The following DDHD1 variants were observed in gnomAD, a reference collection of about 807,000 sequenced individuals.
DDHD1 encodes the protein phospholipase DDHD1.
Under a neutral mutation model 96.4 loss-of-function variants are expected in DDHD1, and 49 were observed. That is an observed-to-expected ratio of 0.51 (90% confidence interval 0.40 to 0.64). The LOEUF (loss-of-function observed/expected upper bound fraction) is 0.64, where lower values mean the gene tolerates loss of function less well. Among genes scored for constraint, DDHD1 ranks in the 30% least tolerant of loss-of-function variants. DDHD1 has a pLI of 0.00. For synonymous variants in DDHD1, 442 were observed against 446.5 expected, an observed-to-expected ratio of 0.99 and a Z score of 0.13; for missense variants, 1,106 against 1,161.2, an observed-to-expected ratio of 0.95 and a Z score of 0.69.
At chr14:53,061,232 A>G in intron 7 of DDHD1, 31 bp from the exon 8 acceptor site, 2 of 1,551,362 alleles carry the variant, frequency 1.3e-6, no homozygotes, top group Non-Finnish European at 1.7e-6. Context: ...ATATACACAC[A>G]CGTATTTATA....
chr14:53,064,237 G>C (rs1411668556), intron 6 of DDHD1, among the ~76,000 whole-genome samples: 1 of 152,002 alleles, frequency 6.6e-6, no homozygotes, highest in Admixed American at 6.6e-5. Flanking sequence ...TCTACATGAG[G>C]TAGGTACAGA....
At position 53,039,036 on chromosome 14, in the gene DDHD1, G is replaced by A. The variant is rs954396893; in HGVS notation, c.*7732C>T. ...AAGACAACTTCATTAGGAATGTGGA[G>A]GTAATTTTTTGTCAAATGATTATTA... On this transcript the variant is annotated 3_prime_UTR_variant, in exon 13 of 13. Coordinates refer to ENST00000673822, the MANE Select transcript of DDHD1 (RefSeq NM_001160148.2). 3 of 152,140 alleles carry A rather than the reference G, an allele frequency of 2.0e-5. No homozygotes were observed. Among genetic ancestry groups the A allele is most frequent in the African/African-American group, 7.2e-5 (3 of 41,434 alleles). The allele number at this position is 152,140 out of a possible 1,614,324, so 9.4% of individuals were successfully genotyped here.
rs1881550553 is a variant in DDHD1 at position 53,040,146 on chromosome 14, T to C, written c.*6622A>G. On this transcript the variant is annotated 3_prime_UTR_variant, in exon 13 of 13. Coordinates refer to ENST00000673822, the MANE Select transcript of DDHD1 (RefSeq NM_001160148.2). The stretch of plus-strand genomic sequence containing the variant: ...AAGGTAGTAGGAGTAGGTTTCTATC[T>C]GGCACGGGTTCTTGGAGTTAGCCTG... The C allele has an allele frequency of 6.6e-6, 1 of 152,228 alleles. No homozygotes were observed. The highest frequency in any genetic ancestry group is 6.5e-5 in the Admixed American group (1 of 15,280). 9.4% of individuals were successfully genotyped at this position (152,228 alleles called of 1,614,324 possible). A position where few individuals can be genotyped will look rare whatever the true frequency, so the allele number is the denominator to read the frequency against.
At position 53,040,067 on chromosome 14, in the gene DDHD1, C is replaced by T. The variant is rs1050124277; in HGVS notation, c.*6701G>A. The T allele has an allele frequency of 9.9e-5, 15 of 152,094 alleles. No individual in the cohort carries two copies. Among genetic ancestry groups the T allele is most frequent in the Admixed American group, 2.6e-4 (4 of 15,262 alleles). 9.4% of individuals were successfully genotyped at this position (152,094 alleles called of 1,614,324 possible). A position where few individuals can be genotyped will look rare whatever the true frequency, so the allele number is the denominator to read the frequency against. On this transcript the variant is annotated 3_prime_UTR_variant, in exon 13 of 13. Coordinates refer to ENST00000673822, the MANE Select transcript of DDHD1 (RefSeq NM_001160148.2). The stretch of plus-strand genomic sequence containing the variant: ...GTTAAAAAAACAAACACCTAAAACT[C>T]GACTTTTAAAGTCACTTTGGTAGCA...
At chr14:53,103,061 A>G (rs1459190882) in intron 2 of DDHD1, 1 of 1,565,086 alleles carries the variant, frequency 6.4e-7, no homozygotes, top group Non-Finnish European at 8.7e-7. Flanking sequence ...CCTGCAGTAA[A>G]TGGAACAATA....
chr14:53,120,031 A>C (rs190374990), intron 1 of DDHD1, among the ~76,000 whole-genome samples: 1 of 152,210 alleles, frequency 6.6e-6, no homozygotes. Flanking sequence ...AAATGACATG[A>C]TTGTATATTT....
intron 1 of DDHD1, among the ~76,000 whole-genome samples, chr14:53,110,612 T>TC (rs1302084130): frequency 2.0e-5 from 3 of 152,230 alleles, no homozygotes; most frequent in African/African-American, 7.2e-5. Flanking sequence ...TATTTAGTCT[T>TC]CCTCCTTTCT....
At chr14:53,113,174 C>T (rs1435745726) in intron 1 of DDHD1, among the ~76,000 whole-genome samples, 1 of 151,416 alleles carries the variant, frequency 6.6e-6, no homozygotes, top group Non-Finnish European at 1.5e-5. Context: ...GCTATGATAG[C>T]CAGGCTGGTC....
intron 1 of DDHD1, among the ~76,000 whole-genome samples, chr14:53,123,198 G>C (rs1339534531): frequency 6.6e-6 from 1 of 150,866 alleles, no homozygotes; most frequent in African/African-American, 2.4e-5. Context: ...CCAGGCTGGA[G>C]TGCAGTGGTG....
intron 2 of DDHD1, 77 bp from the exon 3 acceptor site, chr14:53,093,521 T>C (rs1171932363): frequency 1.3e-6 from 2 of 1,545,420 alleles, no homozygotes; most frequent in African/African-American, 2.8e-5. Flanking sequence ...AACACTCAGA[T>C]TTTAAAATCA....
chr14:53,048,081 T>C (rs1246065923), intron 12 of DDHD1, among the ~76,000 whole-genome samples: 2 of 152,202 alleles, frequency 1.3e-5, no homozygotes, highest in Non-Finnish European at 2.9e-5. Context: ...CATAATACTC[T>C]AGGGAAATAT....
chr14:53,083,073 A>G (rs1566548674), intron 4 of DDHD1, among the ~76,000 whole-genome samples: 2 of 152,120 alleles, frequency 1.3e-5, no homozygotes, highest in Non-Finnish European at 2.9e-5. Flanking sequence ...CCATATTTTA[A>G]TATTTTGTTT....
At chr14:53,065,725 T>C (rs1220482903) in intron 6 of DDHD1, among the ~76,000 whole-genome samples, 1 of 152,172 alleles carries the variant, frequency 6.6e-6, no homozygotes, top group Non-Finnish European at 1.5e-5. Context: ...GCTGTGAAGG[T>C]AGGAGTCCCT....
At position 53,046,932 on chromosome 14, in the gene DDHD1, T is replaced by C. The variant is rs1471768743; in HGVS notation, c.2539A>G (p.Ile847Val). The change falls in exon 13 of 13, where the codon ATT becomes GTT. Residue 847 changes from isoleucine to valine, a missense_variant. Coordinates refer to ENST00000673822, the MANE Select transcript of DDHD1 (RefSeq NM_001160148.2). The stretch of plus-strand genomic sequence containing the variant: ...AGGCCTTCTCTGAGTTCAAAATCAA[T>C]CCTGTGATCCAACTCCACTAAAAAG... ...DNALVELDHR[I>V]DFELREGLVE... The C allele has an allele frequency of 6.2e-7, 1 of 1,607,096 alleles. No individual in the cohort carries two copies. The highest frequency in any genetic ancestry group is 2.2e-5 in the East Asian group (1 of 44,638).
chr14:53,148,566 G>T lies in DDHD1; in HGVS notation c.838+3695C>A, dbSNP rs145437083. Reference sequence around the variant, plus strand: ...GATCTCAGGTGATCCACCCACCTCAGCCTCCCAAAGTGCTGGGATTACAGG... The same window carrying T: ...GATCTCAGGTGATCCACCCACCTCATCCTCCCAAAGTGCTGGGATTACAGG... On this transcript the variant is annotated intron_variant, in intron 1 of 12. Coordinates refer to ENST00000673822, the MANE Select transcript of DDHD1 (RefSeq NM_001160148.2). Among the ~76,000 whole-genome samples, 87 of 152,250 alleles carry T rather than the reference G, an allele frequency of 5.7e-4. 4 individuals carry two copies. The East Asian group carries it at 0.016, about 29-fold the overall frequency.
At chr14:53,145,900 T>C (rs1411709283) in intron 1 of DDHD1, among the ~76,000 whole-genome samples, 2 of 152,196 alleles carry the variant, frequency 1.3e-5, no homozygotes, top group Non-Finnish European at 2.9e-5. Flanking sequence ...CTTAATGTAG[T>C]AAGACATTAA....
intron 1 of DDHD1, among the ~76,000 whole-genome samples, chr14:53,148,220 T>C (rs1002171046): frequency 6.6e-6 from 1 of 152,210 alleles, no homozygotes; most frequent in East Asian, 1.9e-4. Flanking sequence ...AAAAATTTGG[T>C]CAATTAAATA....
chr14:53,126,201 T>C (rs1389977118), intron 1 of DDHD1, among the ~76,000 whole-genome samples: 1 of 152,200 alleles, frequency 6.6e-6, no homozygotes, highest in Non-Finnish European at 1.5e-5. Context: ...ATTTTCAGTA[T>C]TTTTATGTAT....
intron 1 of DDHD1, 148 bp downstream of exon 1, chr14:53,152,113 G>GAGGAGAGTAGTGTAGAT: frequency 6.0e-6 from 5 of 833,738 alleles, no homozygotes; most frequent in South Asian, 1.9e-5. Flanking sequence ...AGCTGCCGAC[G>GAGGAGAGTAGTGTAGAT]CTCCCTGCTC....
Sources: gnomAD v4.1 joint callset for allele counts (sites outside exome capture counted in the v4.1 genomes callset) on GRCh38, gnomAD v4.1.1 for gene constraint, MANE v1.5 for transcripts, NCBI Gene and HGNC (gene_info 2026-07-23, HGNC 2026-07-21) for gene names.